PACSIN2: variants seen among roughly 807,000 people sequenced by gnomAD.
The protein encoded by PACSIN2 is protein kinase C and casein kinase substrate in neurons protein 2.
PACSIN2 carries 25 observed loss-of-function variants against 63.8 expected under a neutral mutation model. That is an observed-to-expected ratio of 0.39 (90% CI 0.29 to 0.55). PACSIN2 has a LOEUF of 0.55. Ranked by LOEUF, PACSIN2 falls within the 20% of genes least tolerant of loss-of-function variation. The pLI, the probability that PACSIN2 is intolerant of heterozygous loss-of-function variation, is 0.62. For missense variants in PACSIN2, 518 were observed against 646.9 expected (o/e 0.80, Z 2.16); for synonymous variants, 255 against 256.2 (o/e 1.00, Z 0.05).
At chr22:42,946,250 G>T (rs1475368747) in intron 1 of PACSIN2, among the ~76,000 whole-genome samples, 1 of 152,198 alleles carries the variant, frequency 6.6e-6, no homozygotes, top group Non-Finnish European at 1.5e-5. Flanking sequence ...TCCAGGGTAG[G>T]GTCTCCAGAA....
chr22:42,977,077 CAT>C (rs756180769), intron 1 of PACSIN2, among the ~76,000 whole-genome samples: 89 of 152,174 alleles, frequency 5.8e-4, no homozygotes, highest in Admixed American at 1.0e-3. Context: ...AATATATAAA[CAT>C]ATATATGCAT....
chr22:42,916,434 C>T (rs1931813405), intron 1 of PACSIN2, among the ~76,000 whole-genome samples: 1 of 151,294 alleles, frequency 6.6e-6, no homozygotes, highest in African/African-American at 2.4e-5. Context: ...GGAAGGGGGG[C>T]CTTGAGGGCA....
intron 1 of PACSIN2, among the ~76,000 whole-genome samples, chr22:42,970,545 A>C (rs1359257187): frequency 6.6e-6 from 1 of 152,262 alleles, no homozygotes; most frequent in African/African-American, 2.4e-5. Flanking sequence ...GAACTCTATT[A>C]GTTTTGCAAC....
Position 42,983,756 on chromosome 22 carries a change from C to T in PACSIN2, c.-78+31265G>A, listed in dbSNP as rs946466841. On this transcript the variant is annotated intron_variant, in intron 1 of 10. Transcript: ENST00000263246. ...GGACTATAGGAGCACACCATCATGC[C>T]TATCATTTTTTTTACATCCCTAAAC... 1.6e-4 allele frequency among the ~76,000 whole-genome samples: 24 copies of T among 151,868 alleles called. 1 individual carries two copies. The highest frequency in any genetic ancestry group is 5.8e-4 in the African/African-American group (24 of 41,302).
chr22:42,997,073 G>C (rs1923455258), intron 1 of PACSIN2, among the ~76,000 whole-genome samples: 1 of 152,214 alleles, frequency 6.6e-6, no homozygotes, highest in Non-Finnish European at 1.5e-5. Context: ...GCCCTGGCAG[G>C]AGGGGATGAG....
chr22:43,012,204 A>ACAT (rs1569380215), intron 1 of PACSIN2, among the ~76,000 whole-genome samples: 4 of 129,744 alleles, frequency 3.1e-5, no homozygotes, highest in East Asian at 2.6e-4. Context: ...CATACATACA[A>ACAT]ACATACAAAA....
intron 1 of PACSIN2, among the ~76,000 whole-genome samples, chr22:42,925,037 T>TGC (rs1932448745): frequency 6.6e-6 from 1 of 151,318 alleles, no homozygotes; most frequent in African/African-American, 2.4e-5. Context: ...AGCCACTGCG[T>TGC]CCGGCCCCAG....
At position 42,871,149 on chromosome 22, in the gene PACSIN2, T is replaced by C. The variant is rs1412890694; in HGVS notation, c.*208A>G. The C allele has an allele frequency of 3.4e-6, 2 of 590,540 alleles. No homozygotes were observed. Among genetic ancestry groups the C allele is most frequent in the African/African-American group, 1.9e-5 (1 of 53,722 alleles). 36.6% of individuals were successfully genotyped at this position (590,540 alleles called of 1,614,324 possible). ...GGGCGGCTATTTCTGTTGTTCTGCG[T>C]CTTCCTGCGCTCAGATCCCTCCAGC... On this transcript the variant is annotated 3_prime_UTR_variant, in exon 11 of 11. Coordinates refer to ENST00000263246, the MANE Select transcript of PACSIN2 (RefSeq NM_001184970.3). This position sits in a 1 kb window ranked among gnomAD's most constrained non-coding sequence, Gnocchi z 5.4.
intron 2 of PACSIN2, 125 bp downstream of exon 2, chr22:42,911,896 C>T (rs1931482125): frequency 4.3e-6 from 3 of 696,414 alleles, no homozygotes; most frequent in Non-Finnish European, 7.4e-6. Context: ...GGTCTGACTA[C>T]AAATGCATGG....
rs1928023064 is a variant in PACSIN2 at position 42,870,527 on chromosome 22, T to G, written c.*830A>C. 2 of 152,216 alleles carry G rather than the reference T, an allele frequency of 1.3e-5. No individual in the cohort carries two copies. The highest frequency in any genetic ancestry group is 2.9e-5 in the Non-Finnish European group (2 of 68,036). 9.4% of individuals were successfully genotyped at this position (152,216 alleles called of 1,614,324 possible). A position where few individuals can be genotyped will look rare whatever the true frequency, so the allele number is the denominator to read the frequency against. On this transcript the variant is annotated 3_prime_UTR_variant, in exon 11 of 11. Transcript: ENST00000263246. ...GTCTAATCTAAAGCATCTTTACAGA[T>G]GCATTTGCTTGAAAAGTTAGTCTTC... is the stretch of plus-strand genomic sequence containing the variant.
rs145058557 is a variant in PACSIN2 at position 42,896,969 on chromosome 22, C to T, written c.61-3356G>A. Among the ~76,000 whole-genome samples, 19 of 152,134 alleles carry T rather than the reference C, an allele frequency of 1.2e-4. No homozygotes were observed. The East Asian group carries it at 3.7e-3, about 29-fold the overall frequency. ...TTTTTCTTTTTGAGACAGGGTCTTG[C>T]TTTGTTGCCCAGGCTAGAGTGCAGT... On this transcript the variant is annotated intron_variant, in intron 2 of 10. Transcript: ENST00000263246.
intron 1 of PACSIN2, among the ~76,000 whole-genome samples, chr22:42,999,409 C>T (rs772908590): frequency 5.3e-5 from 8 of 152,206 alleles, no homozygotes; most frequent in Admixed American, 2.6e-4. Flanking sequence ...GTGGCTCATG[C>T]CTCTAATCCC....
Position 42,871,556 on chromosome 22 carries a change from A to G in PACSIN2, c.1349-87T>C. 1 of 1,038,088 alleles carries G rather than the reference A, an allele frequency of 9.6e-7. No homozygotes were observed. The highest frequency in any genetic ancestry group is 1.5e-6 in the Non-Finnish European group (1 of 659,468). 64.3% of individuals were successfully genotyped at this position (1,038,088 alleles called of 1,614,324 possible). On this transcript the variant is annotated intron_variant, in intron 10 of 10. Coordinates refer to ENST00000263246, the MANE Select transcript of PACSIN2 (RefSeq NM_001184970.3). The surrounding 1 kb of genome is among the most constrained non-coding windows in gnomAD (Gnocchi z 5.4). ...CCGCATTCACGAGCTTTGAGCCCAC[A>G]GAGGGTGGAGGGCCAGGCATTCTGT...
intron 3 of PACSIN2, among the ~76,000 whole-genome samples, 184 bp from the exon 4 acceptor site, chr22:42,891,366 C>T (rs935273248): frequency 5.3e-5 from 8 of 152,124 alleles, no homozygotes; most frequent in Non-Finnish European, 1.0e-4. Context: ...TGCTCTGCCC[C>T]TCGTGTTAGG....
At chr22:42,915,244 C>G (rs762455264) in intron 1 of PACSIN2, among the ~76,000 whole-genome samples, 2 of 152,156 alleles carry the variant, frequency 1.3e-5, no homozygotes, top group Non-Finnish European at 2.9e-5. Context: ...GAGTAAGAGC[C>G]TGAATCACTG....
chr22:42,911,109 T>G (rs559321224), intron 2 of PACSIN2, among the ~76,000 whole-genome samples: 19 of 152,068 alleles, frequency 1.2e-4, no homozygotes, highest in Admixed American at 9.8e-4. Context: ...TTTCACCATG[T>G]TGGCCAGGCT....
intron 1 of PACSIN2, among the ~76,000 whole-genome samples, chr22:42,915,825 A>G (rs1931769862): frequency 6.6e-6 from 1 of 152,128 alleles, no homozygotes; most frequent in Non-Finnish European, 1.5e-5. Flanking sequence ...TTTCATCTGA[A>G]CCCTCTAAGC....
intron 1 of PACSIN2, among the ~76,000 whole-genome samples, chr22:42,932,902 T>A (rs1164047910): frequency 6.6e-6 from 1 of 152,130 alleles, no homozygotes; most frequent in East Asian, 1.9e-4. Context: ...TTTCCACACT[T>A]TTATTTTGCT....
intron 1 of PACSIN2, among the ~76,000 whole-genome samples, chr22:42,979,855 G>A (rs1921960139): frequency 2.6e-5 from 4 of 152,192 alleles, no homozygotes; most frequent in Admixed American, 1.3e-4. Context: ...GTTGCCCAGT[G>A]TGCTGAAACA....
Sources: gnomAD v4.1 joint callset for allele counts (sites outside exome capture counted in the v4.1 genomes callset) on GRCh38, gnomAD v4.1.1 for gene constraint, Gnocchi (gnomAD v3.1) non-coding constraint, MANE v1.5 for transcripts, NCBI Gene and HGNC (gene_info 2026-07-23, HGNC 2026-07-21) for gene names.